The following FAR2 variants were observed in gnomAD, a reference collection of about 807,000 sequenced individuals.
FAR2 encodes epididymis secretory protein Li 81.
In FAR2, 19 loss-of-function variants were observed where a neutral mutation model predicts 56.0. The observed-to-expected ratio is 0.34, with a 90% CI of 0.24 to 0.50. The LOEUF is 0.50. Ranked by LOEUF, FAR2 falls within the 20% of genes least tolerant of loss-of-function variation. The pLI, the probability that FAR2 is intolerant of heterozygous loss-of-function variation, is 0.98. For synonymous variants in FAR2, 219 were observed against 218.8 expected (o/e 1.00, Z -0.01); for missense variants, 508 against 642.2 (o/e 0.79, Z 2.26).
chr12:29,158,759 T>C (rs1457317776), intron 1 of FAR2, among the ~76,000 whole-genome samples: 1 of 152,262 alleles, frequency 6.6e-6, no homozygotes, highest in Non-Finnish European at 1.5e-5. Flanking sequence ...TTGTCTTAAC[T>C]AAGTATATTC....
intron 1 of FAR2, among the ~76,000 whole-genome samples, chr12:29,216,101 G>A (rs1462656866): frequency 6.6e-6 from 1 of 152,152 alleles, no homozygotes; most frequent in Non-Finnish European, 1.5e-5. Context: ...TCTTCAGCTG[G>A]TCTCTGAAAC....
At chr12:29,332,405 A>G (rs1313208014) in intron 10 of FAR2, among the ~76,000 whole-genome samples, 195 bp from the exon 11 acceptor site, 1 of 152,204 alleles carries the variant, frequency 6.6e-6, no homozygotes, top group East Asian at 1.9e-4. Context: ...CCATGTTTAA[A>G]TATTCCTATG....
intron 1 of FAR2, among the ~76,000 whole-genome samples, chr12:29,260,144 C>T (rs1948391449): frequency 6.6e-6 from 1 of 152,142 alleles, no homozygotes; most frequent in Non-Finnish European, 1.5e-5. Flanking sequence ...AAAGTTGTAA[C>T]ATATGAAATT....
chr12:29,298,497 TTGTC>T (rs1949108276), intron 4 of FAR2, among the ~76,000 whole-genome samples: 1 of 152,194 alleles, frequency 6.6e-6, no homozygotes, highest in Non-Finnish European at 1.5e-5. Context: ...ATAGATATTT[TTGTC>T]TGTCATGTAA....
At chr12:29,313,212 GAC>G (rs1301949401) in intron 8 of FAR2, among the ~76,000 whole-genome samples, 3 of 152,156 alleles carry the variant, frequency 2.0e-5, no homozygotes, top group African/African-American at 7.2e-5. Flanking sequence ...TACAAGGAGT[GAC>G]AGACAGCTGG....
intron 4 of FAR2, among the ~76,000 whole-genome samples, chr12:29,300,071 C>T (rs1042147674): frequency 1.3e-5 from 2 of 152,212 alleles, no homozygotes; most frequent in Non-Finnish European, 2.9e-5. Context: ...TCAATGCTCA[C>T]TGAATGAATG....
At chr12:29,177,714 G>C (rs1184418962) in intron 1 of FAR2, among the ~76,000 whole-genome samples, 2 of 152,096 alleles carry the variant, frequency 1.3e-5, no homozygotes, top group African/African-American at 2.4e-5. Context: ...CTAGAGTGGG[G>C]CATTTACTCT....
At chr12:29,271,018 G>C (rs1331158665) in intron 2 of FAR2, among the ~76,000 whole-genome samples, 1 of 152,138 alleles carries the variant, frequency 6.6e-6, no homozygotes, top group African/African-American at 2.4e-5. Flanking sequence ...CTTCTATTCT[G>C]TTCTATTCTA....
chr12:29,170,568 T>G (rs987443259), intron 1 of FAR2, among the ~76,000 whole-genome samples: 1 of 152,208 alleles, frequency 6.6e-6, no homozygotes, highest in Admixed American at 6.5e-5. Flanking sequence ...CTTTTTCTTT[T>G]TCTTCTTTGT....
intron 1 of FAR2, among the ~76,000 whole-genome samples, chr12:29,239,423 G>T (rs562857948): frequency 2.6e-5 from 4 of 151,066 alleles, no homozygotes; most frequent in Non-Finnish European, 5.9e-5. Context: ...TAGATTATCT[G>T]GCCAATGTGC....
intron 1 of FAR2, among the ~76,000 whole-genome samples, chr12:29,234,314 C>T (rs1462805408): frequency 6.6e-6 from 1 of 152,020 alleles, no homozygotes; most frequent in African/African-American, 2.4e-5. Flanking sequence ...TCTCTTTTTT[C>T]CCCTTTCCTA....
chr12:29,220,866 C>T (rs1194321408), intron 1 of FAR2, among the ~76,000 whole-genome samples: 2 of 152,100 alleles, frequency 1.3e-5, no homozygotes, highest in African/African-American at 2.4e-5. Flanking sequence ...AAGCAGGCGA[C>T]GTGAGAGATC....
At chr12:29,327,344 AT>A (rs1949665789) in intron 10 of FAR2, among the ~76,000 whole-genome samples, 1 of 152,186 alleles carries the variant, frequency 6.6e-6, no homozygotes, top group Non-Finnish European at 1.5e-5. Flanking sequence ...TAATTTATAG[AT>A]TCAATGCCAT....
intron 1 of FAR2, among the ~76,000 whole-genome samples, chr12:29,230,946 T>C (rs773492602): frequency 1.3e-5 from 2 of 152,280 alleles, no homozygotes; most frequent in East Asian, 1.9e-4. Flanking sequence ...GATGAACTTA[T>C]AGAAGTCAAT....
At chr12:29,227,516 A>G (rs1053946478) in intron 1 of FAR2, among the ~76,000 whole-genome samples, 2 of 152,084 alleles carry the variant, frequency 1.3e-5, no homozygotes, top group African/African-American at 4.8e-5. Context: ...TTCTTTCATA[A>G]TTGCTTCTCC....
chr12:29,267,883 A>C (rs1398839625), intron 1 of FAR2, among the ~76,000 whole-genome samples: 1 of 152,208 alleles, frequency 6.6e-6, no homozygotes. Flanking sequence ...GCAGCAGTCT[A>C]TGATCTTGTT....
chr12:29,325,404 T>C (rs1346086232), intron 10 of FAR2, among the ~76,000 whole-genome samples: 1 of 152,180 alleles, frequency 6.6e-6, no homozygotes, highest in African/African-American at 2.4e-5. Flanking sequence ...GCAGACCTAA[T>C]AGACATCTAC....
chr12:29,229,424 T>G (rs1041281867), intron 1 of FAR2, among the ~76,000 whole-genome samples: 3 of 152,156 alleles, frequency 2.0e-5, no homozygotes, highest in Non-Finnish European at 4.4e-5. Flanking sequence ...AGTTAAGTGG[T>G]GTTGAGGAAC....
At chr12:29,287,737 CATG>C (rs1948900899) in intron 2 of FAR2, among the ~76,000 whole-genome samples, 1 of 152,120 alleles carries the variant, frequency 6.6e-6, no homozygotes, top group Non-Finnish European at 1.5e-5. Context: ...CAAAGATTCT[CATG>C]ATTAGAAAAG....
Sources: gnomAD v4.1 joint callset for allele counts (sites outside exome capture counted in the v4.1 genomes callset) on GRCh38, gnomAD v4.1.1 for gene constraint, MANE v1.5 for transcripts, NCBI Gene and HGNC (gene_info 2026-07-23, HGNC 2026-07-21) for gene names.